MAST2: variants seen among roughly 807,000 people sequenced by gnomAD.
MAST2 encodes the protein microtubule-associated serine/threonine-protein kinase 2.
A neutral mutation model predicts 147.4 loss-of-function variants in MAST2; 70 were observed. The observed-to-expected ratio is 0.47, with a 90% CI of 0.39 to 0.58. The LOEUF is 0.58. Among genes scored for constraint, MAST2 ranks in the 20% least tolerant of loss-of-function variants. The probability of loss-of-function intolerance (pLI) is 0.00; values close to 1 mark genes in which losing one functional copy is unlikely to be tolerated. For missense variants in MAST2, 2,080 were observed against 2,302.3 expected, an observed-to-expected ratio of 0.90 and a Z score of 1.98; for synonymous variants, 869 against 896.8, an observed-to-expected ratio of 0.97 and a Z score of 0.55.
intron 24 of MAST2, among the ~76,000 whole-genome samples, 171 bp from the exon 25 acceptor site, chr1:46,032,007 G>T (rs967525478): frequency 6.6e-6 from 1 of 152,124 alleles, no homozygotes; most frequent in Non-Finnish European, 1.5e-5. Flanking sequence ...CACCACCACC[G>T]TCTCTTGGGG....
intron 2 of MAST2, among the ~76,000 whole-genome samples, chr1:45,827,184 G>A (rs1644820217): frequency 6.6e-6 from 1 of 152,178 alleles, no homozygotes; most frequent in Non-Finnish European, 1.5e-5. Flanking sequence ...AAAGATAAAA[G>A]CATGTGCTTG....
Position 46,029,579 on chromosome 1 carries a change from CCTG to C in MAST2, c.2320+15_2320+17del. 6.2e-7 allele frequency: 1 copy of C among 1,610,596 alleles called. No individual in the cohort carries two copies. Among genetic ancestry groups the C allele is most frequent in the Non-Finnish European group, 8.5e-7 (1 of 1,178,040 alleles). On this transcript the variant is annotated intron_variant, in intron 19 of 28. Coordinates refer to ENST00000361297, the MANE Select transcript of MAST2 (RefSeq NM_015112.3). ...GAGACTTGGCACAGGTAGGGCAGGC[CCTG>C]CTAACTTTTCTCACTACTTGGAAAA...
chr1:45,808,707 ATATATTTCACGTTC>A (rs1644209748), intron 1 of MAST2, among the ~76,000 whole-genome samples: 1 of 152,032 alleles, frequency 6.6e-6, no homozygotes, highest in Non-Finnish European at 1.5e-5. Flanking sequence ...TTAACCTCTA[ATATATTTCACGTTC>A]TATTAACAAA....
At chr1:46,026,677 A>G (rs935756137) in intron 16 of MAST2, among the ~76,000 whole-genome samples, 3 of 152,074 alleles carry the variant, frequency 2.0e-5, no homozygotes, top group African/African-American at 7.2e-5. Flanking sequence ...GTGGGGAAGT[A>G]TAAAGGAAAG....
chr1:45,900,008 A>G (rs1236628314), intron 4 of MAST2, among the ~76,000 whole-genome samples: 3 of 151,430 alleles, frequency 2.0e-5, no homozygotes, highest in African/African-American at 4.9e-5. Context: ...TGTCTCTACT[A>G]AAAATAAAAA....
In MAST2 at chr1:45,999,214, A is replaced by G. The variant is rs1645177090; in HGVS notation, c.668+1415A>G. Among the ~76,000 whole-genome samples, 3 of 152,186 alleles carry G rather than the reference A, an allele frequency of 2.0e-5. No homozygotes were observed. In the South Asian group the frequency reaches 6.2e-4, roughly 32 times the overall value. The stretch of plus-strand genomic sequence containing the variant: ...ATAGCTGACGTGGGTTTCCTCCTTC[A>G]ACCCACTTACCTTATTCAAAACAAA... On this transcript the variant is annotated intron_variant, in intron 6 of 28. Coordinates refer to ENST00000361297, the MANE Select transcript of MAST2 (RefSeq NM_015112.3).
chr1:45,980,660 G>A (rs1304433955), intron 5 of MAST2, among the ~76,000 whole-genome samples: 1 of 151,968 alleles, frequency 6.6e-6, no homozygotes, highest in East Asian at 1.9e-4. Flanking sequence ...TCAGCCTCCC[G>A]ATTATCTGTG....
At position 45,919,627 on chromosome 1, in the gene MAST2, C is replaced by T. The variant is rs144715566; in HGVS notation, c.500+37232C>T. ...TCTCTCTGAAGGCACCTCTTCTAGA[C>T]GTACTAGCGCTTGGCGTATGAGGCT... On this transcript the variant is annotated intron_variant, in intron 4 of 28. Transcript: ENST00000361297. 6.5e-3 allele frequency among the ~76,000 whole-genome samples: 986 copies of T among 152,272 alleles called. 13 individuals carry two copies. The highest frequency in any genetic ancestry group is 0.023 in the African/African-American group (937 of 41,540).
chr1:45,933,063 T>TAAAAAAA (rs61544126), intron 4 of MAST2, among the ~76,000 whole-genome samples: 37 of 88,260 alleles, frequency 4.2e-4, no homozygotes, highest in African/African-American at 1.6e-3. Flanking sequence ...CCCATTTCTT[T>TAAAAAAA]AAAAAAAAAA....
At chr1:45,913,339 A>G (rs1487159354) in intron 4 of MAST2, among the ~76,000 whole-genome samples, 2 of 152,196 alleles carry the variant, frequency 1.3e-5, no homozygotes, top group Non-Finnish European at 2.9e-5. Flanking sequence ...GCCCACTGCA[A>G]CAGCTGTTTA....
chr1:45,890,069 A>G (rs900741532), intron 4 of MAST2, among the ~76,000 whole-genome samples: 1 of 152,056 alleles, frequency 6.6e-6, no homozygotes, highest in Admixed American at 6.6e-5. Context: ...CATCTATACC[A>G]ATCTAGTTCC....
intron 3 of MAST2, among the ~76,000 whole-genome samples, chr1:45,881,404 A>G (rs893285232): frequency 6.6e-6 from 1 of 152,248 alleles, no homozygotes; most frequent in Non-Finnish European, 1.5e-5. Context: ...CCATGTATAT[A>G]TAATTTTAAA....
intron 3 of MAST2, among the ~76,000 whole-genome samples, chr1:45,860,583 G>A (rs1019645423): frequency 1.3e-5 from 2 of 152,038 alleles, no homozygotes; most frequent in African/African-American, 4.8e-5. Context: ...TGTAATCCCA[G>A]CACTTTGGGA....
chr1:45,977,120 G>C (rs1644192615), intron 5 of MAST2, among the ~76,000 whole-genome samples: 1 of 152,186 alleles, frequency 6.6e-6, no homozygotes, highest in East Asian at 1.9e-4. Context: ...AAGAAAATCT[G>C]CATGGCCTTA....
At chr1:45,946,846 C>T (rs1289198862) in intron 4 of MAST2, among the ~76,000 whole-genome samples, 1 of 152,102 alleles carries the variant, frequency 6.6e-6, no homozygotes, top group Non-Finnish European at 1.5e-5. Flanking sequence ...ATACTGTTTC[C>T]TTAGTCTCTG....
At chr1:46,019,172 C>T (rs1035734368) in intron 10 of MAST2, among the ~76,000 whole-genome samples, 1 of 146,830 alleles carries the variant, frequency 6.8e-6, no homozygotes, top group African/African-American at 2.4e-5. Flanking sequence ...CTTTAGTGTA[C>T]TCTCTACACT....
At chr1:45,965,911 A>G (rs960127562) in intron 5 of MAST2, among the ~76,000 whole-genome samples, 1 of 152,152 alleles carries the variant, frequency 6.6e-6, no homozygotes, top group African/African-American at 2.4e-5. Context: ...AGTTTACATT[A>G]AGATTCACTG....
In MAST2 at chr1:46,032,593, C is replaced by T. The variant is rs1359635621; in HGVS notation, c.3415-3C>T. The T allele has an allele frequency of 6.8e-6, 11 of 1,613,700 alleles. No individual in the cohort carries two copies. Among genetic ancestry groups the T allele is most frequent in the African/African-American group, 6.7e-5 (5 of 74,946 alleles). On this transcript the variant is annotated splice_polypyrimidine_tract_variant and splice_region_variant and intron_variant, in intron 25 of 28. Coordinates refer to ENST00000361297, the MANE Select transcript of MAST2 (RefSeq NM_015112.3). ...TCTGAGTACTGTTCTCTTCCTGGCA[C>T]AGCACGTGGAGGATGGAGGTCCGGC...
intron 2 of MAST2, among the ~76,000 whole-genome samples, chr1:45,828,677 C>T (rs1371115413): frequency 6.6e-6 from 1 of 152,180 alleles, no homozygotes; most frequent in Non-Finnish European, 1.5e-5. Context: ...AATCCCAGCA[C>T]TATGGGAGGC....
Sources: gnomAD v4.1 joint callset for allele counts (sites outside exome capture counted in the v4.1 genomes callset) on GRCh38, gnomAD v4.1.1 for gene constraint, MANE v1.5 for transcripts, NCBI Gene and HGNC (gene_info 2026-07-23, HGNC 2026-07-21) for gene names.